The following DIAPH3 variants were observed in gnomAD, a reference collection of about 807,000 sequenced individuals.
The protein encoded by DIAPH3 is protein diaphanous homolog 3.
A neutral mutation model predicts 144.3 loss-of-function variants in DIAPH3; 117 were observed. The observed-to-expected ratio is 0.81, with a 90% CI of 0.70 to 0.95. DIAPH3 has a LOEUF of 0.95. Among genes scored for constraint, DIAPH3 ranks in the 40% least tolerant of loss-of-function variants. DIAPH3 has a pLI of 0.00. For synonymous variants in DIAPH3, 519 were observed against 488.9 expected (o/e 1.06, Z -0.81); for missense variants, 1,421 against 1,412.7 (o/e 1.01, Z -0.09).
chr13:59,773,377 A>T (rs1438681038), intron 27 of DIAPH3, among the ~76,000 whole-genome samples: 1 of 152,166 alleles, frequency 6.6e-6, no homozygotes, highest in African/African-American at 2.4e-5. Flanking sequence ...ATAATTCCAG[A>T]ACTTAAGTCA....
chr13:60,091,222 A>C (rs2057920284), intron 4 of DIAPH3, among the ~76,000 whole-genome samples: 1 of 152,142 alleles, frequency 6.6e-6, no homozygotes, highest in Admixed American at 6.5e-5. Context: ...TTTTTTCCAC[A>C]TCACATTTCA....
chr13:60,118,958 T>C (rs930635176), intron 2 of DIAPH3, among the ~76,000 whole-genome samples: 1 of 152,230 alleles, frequency 6.6e-6, no homozygotes, highest in Non-Finnish European at 1.5e-5. Flanking sequence ...TACGAAAATC[T>C]GTAATTATCT....
At chr13:59,735,767 T>G (rs1840519461) in intron 27 of DIAPH3, among the ~76,000 whole-genome samples, 1 of 152,128 alleles carries the variant, frequency 6.6e-6, no homozygotes, top group African/African-American at 2.4e-5. Flanking sequence ...CTTTTTTTTG[T>G]TGTTATTGTT....
intron 27 of DIAPH3, among the ~76,000 whole-genome samples, chr13:59,723,385 T>C (rs2035438840): frequency 6.6e-6 from 1 of 152,186 alleles, no homozygotes. Context: ...CTGCTCCTGC[T>C]ACGCATCCAT....
chr13:59,956,421 A>C (rs2049405426), intron 17 of DIAPH3, among the ~76,000 whole-genome samples: 1 of 152,226 alleles, frequency 6.6e-6, no homozygotes, highest in Admixed American at 6.5e-5. Flanking sequence ...CAGAGGGTGC[A>C]AGCCCCAAGC....
intron 20 of DIAPH3, among the ~76,000 whole-genome samples, chr13:59,906,143 A>AT (rs2046725019): frequency 6.6e-6 from 1 of 152,240 alleles, no homozygotes; most frequent in Admixed American, 6.5e-5. Flanking sequence ...ATACAGAATT[A>AT]TTTTTTAAAA....
chr13:59,792,513 T>C (rs1193480682), intron 25 of DIAPH3, among the ~76,000 whole-genome samples: 1 of 152,196 alleles, frequency 6.6e-6, no homozygotes, highest in Non-Finnish European at 1.5e-5. Context: ...CCTCCTCCTC[T>C]CCAGGGAGCA....
intron 13 of DIAPH3, 128 bp from the exon 14 acceptor site, chr13:59,980,987 G>T: frequency 1.4e-6 from 1 of 693,934 alleles, no homozygotes; most frequent in Non-Finnish European, 2.4e-6. Context: ...TAAACAAAAT[G>T]GAAAAAATAT....
At chr13:60,027,469 T>C (rs2054458268) in intron 5 of DIAPH3, among the ~76,000 whole-genome samples, 1 of 152,304 alleles carries the variant, frequency 6.6e-6, no homozygotes, top group East Asian at 1.9e-4. Flanking sequence ...TCTCCTAGTT[T>C]CTTTTTGGCT....
chr13:60,105,111 A>ACAAAAAAC (rs755455815), intron 3 of DIAPH3, among the ~76,000 whole-genome samples: 11 of 149,080 alleles, frequency 7.4e-5, no homozygotes, highest in Admixed American at 3.3e-4. Context: ...AAAAAAAAAA[A>ACAAAAAAC]AAAAAAAAAA....
At position 59,800,432 on chromosome 13, in the gene DIAPH3, T is replaced by C. The variant is rs554241399; in HGVS notation, c.3163+10356A>G. On this transcript the variant is annotated intron_variant, in intron 25 of 27. Transcript: ENST00000400324. ...TGAAAAACAACACTCCTTCCGAAGATTTCCCCATCACATGAGTGTAGCAAT... is the reference window on the plus strand; with the variant it reads ...TGAAAAACAACACTCCTTCCGAAGACTTCCCCATCACATGAGTGTAGCAAT... 6.6e-5 allele frequency among the ~76,000 whole-genome samples: 10 copies of C among 152,314 alleles called. No homozygotes were observed. In the South Asian group the frequency reaches 2.1e-3, roughly 32 times the overall value.
At chr13:59,730,583 G>A (rs749496167) in intron 27 of DIAPH3, among the ~76,000 whole-genome samples, 1 of 152,082 alleles carries the variant, frequency 6.6e-6, no homozygotes, top group Admixed American at 6.5e-5. Context: ...ACAACAACAG[G>A]AAAGTAAATA....
intron 20 of DIAPH3, among the ~76,000 whole-genome samples, chr13:59,879,900 T>C (rs1289022219): frequency 1.3e-5 from 2 of 152,172 alleles, no homozygotes; most frequent in Non-Finnish European, 2.9e-5. Flanking sequence ...TTTCTTCAAA[T>C]AGCAATTGCT....
intron 24 of DIAPH3, among the ~76,000 whole-genome samples, chr13:59,816,928 T>C (rs1379706202): frequency 6.6e-6 from 1 of 151,928 alleles, no homozygotes; most frequent in Non-Finnish European, 1.5e-5. Context: ...TAATGTGGGG[T>C]ATTTTCAATA....
intron 25 of DIAPH3, among the ~76,000 whole-genome samples, chr13:59,784,191 T>C (rs2038905260): frequency 6.6e-6 from 1 of 152,028 alleles, no homozygotes; most frequent in Admixed American, 6.6e-5. Flanking sequence ...CAAGTGATTC[T>C]CCTGTCTCAA....
intron 15 of DIAPH3, among the ~76,000 whole-genome samples, chr13:59,972,532 T>C (rs111464801): frequency 5.9e-4 from 90 of 152,194 alleles, no homozygotes; most frequent in African/African-American, 2.0e-3. Context: ...ATCAATGACG[T>C]CTGAAATCAT....
intron 27 of DIAPH3, among the ~76,000 whole-genome samples, chr13:59,760,368 ACT>A (rs2037513670): frequency 1.3e-5 from 2 of 152,150 alleles, no homozygotes; most frequent in East Asian, 3.8e-4. Context: ...CAACTTAACA[ACT>A]CTTCAGAGTA....
At position 60,099,907 on chromosome 13, in the gene DIAPH3, A is replaced by AGAAGGAAGGAAGGAAG. The variant is rs748938775; in HGVS notation, c.391-6191_391-6176dup. 2.6e-3 allele frequency among the ~76,000 whole-genome samples: 277 copies of AGAAGGAAGGAAGGAAG among 104,832 alleles called. 3 individuals carry two copies. Among genetic ancestry groups the AGAAGGAAGGAAGGAAG allele is most frequent in the East Asian group, 4.9e-3 (17 of 3,464 alleles). 68.8% of individuals were successfully genotyped at this position (104,832 alleles called of 152,430 possible). On this transcript the variant is annotated intron_variant, in intron 3 of 27. Transcript: ENST00000400324. ...AATTAATGTGGTACCAGAAAGTAAG[A>AGAAGGAAGGAAGGAAG]GAAGGAAGGAAGGAAGGAAGGAAGG...
At chr13:59,927,499 T>G (rs776177720) in intron 17 of DIAPH3, among the ~76,000 whole-genome samples, 1 of 152,190 alleles carries the variant, frequency 6.6e-6, no homozygotes, top group Non-Finnish European at 1.5e-5. Context: ...GCTTTTTACT[T>G]TTATGTGTTT....
Sources: allele counts gnomAD v4.1 joint callset (sites outside exome capture counted in the v4.1 genomes callset), GRCh38; gene constraint gnomAD v4.1.1; transcripts MANE v1.5; gene names NCBI Gene and HGNC (gene_info 2026-07-23, HGNC 2026-07-21).